Variants in CNIH3 observed in about 807,000 individuals in gnomAD.
The protein encoded by CNIH3 is protein cornichon homolog 3.
In CNIH3, 14 loss-of-function variants were observed where a neutral mutation model predicts 24.1. That is an observed-to-expected ratio of 0.58 (90% CI 0.38 to 0.91). The LOEUF (loss-of-function observed/expected upper bound fraction) is 0.91. CNIH3 is among the 40% of genes least tolerant of loss of function. CNIH3 has a pLI of 0.00. For synonymous variants in CNIH3, 68 were observed against 73.8 expected (o/e 0.92, Z 0.40); for missense variants, 178 against 196.8 (o/e 0.90, Z 0.57).
intron 1 of CNIH3, among the ~76,000 whole-genome samples, chr1:224,660,647 C>T (rs748477899): frequency 1.4e-4 from 21 of 152,104 alleles, no homozygotes; most frequent in Admixed American, 3.3e-4. Context: ...TTGTCAAGAC[C>T]TACCAAATTG....
chr1:224,680,200 T>C (rs1275354572), intron 1 of CNIH3, among the ~76,000 whole-genome samples: 1 of 152,254 alleles, frequency 6.6e-6, no homozygotes, highest in Non-Finnish European at 1.5e-5. Context: ...CTATTATTTA[T>C]TCCTTCTGTA....
upstream of CNIH3, among the ~76,000 whole-genome samples, chr1:224,512,414 A>T (rs892349458): frequency 1.3e-5 from 2 of 152,156 alleles, no homozygotes; most frequent in Non-Finnish European, 2.9e-5. Flanking sequence ...CAGGTGTTTG[A>T]GGTTACAGTG....
At chr1:224,515,724 A>G (rs1678353449), upstream of CNIH3, 1 of 152,198 alleles carries the variant, frequency 6.6e-6, no homozygotes, top group African/African-American at 2.4e-5. Context: ...CCACTTACCC[A>G]GGCTTGTCTA....
In CNIH3 at chr1:224,684,787, T is replaced by A; in HGVS notation, c.151-9T>A. ...TCCCCTCTCATTTCTTTCTTGTGCA[T>A]CCTGATAGAGGGAACGGTTGAGGAA... On this transcript the variant is annotated splice_polypyrimidine_tract_variant and intron_variant, in intron 2 of 5. Transcript: ENST00000272133. The surrounding 1 kb of genome is among the most constrained non-coding windows in gnomAD (Gnocchi z 4.2). 6.2e-7 allele frequency: 1 copy of A among 1,613,702 alleles called. No individual in the cohort carries two copies. The highest frequency in any genetic ancestry group is 8.5e-7 in the Non-Finnish European group (1 of 1,179,606).
downstream of CNIH3, among the ~76,000 whole-genome samples, chr1:224,589,290 G>T (rs375096145): frequency 5.3e-5 from 8 of 152,234 alleles, no homozygotes; most frequent in African/African-American, 1.4e-4. Flanking sequence ...TCCTCACTGT[G>T]ACTATGAGGC....
intron 3 of CNIH3, among the ~76,000 whole-genome samples, chr1:224,725,512 G>C (rs956486483): frequency 3.3e-5 from 5 of 152,130 alleles, no homozygotes; most frequent in African/African-American, 1.2e-4. Context: ...AGTCGACAGG[G>C]GCATTCAGAG....
At chr1:224,666,290 A>C (rs907433845) in intron 1 of CNIH3, among the ~76,000 whole-genome samples, 3 of 152,144 alleles carry the variant, frequency 2.0e-5, no homozygotes, top group Non-Finnish European at 4.4e-5. Flanking sequence ...TGGGCTGTGA[A>C]ATAATCCATC....
At position 224,616,920 on chromosome 1, in the gene CNIH3, GGTTCCCTC is replaced by G. The variant is rs1683028124; in HGVS notation, c.-254_-247del. On this transcript the variant is annotated 5_prime_UTR_variant, in exon 1 of 6. An upstream open reading frame in the 5' UTR gains an earlier in-frame stop. Transcript: ENST00000272133. ...TTGGTTTCTTCTTCGATTTGCGGAC[GGTTCCCTC>G]CAGCGACTCTCGACACACGTTTTCC... The G allele has an allele frequency of 9.9e-6, 13 of 1,316,246 alleles. No homozygotes were observed. The highest frequency in any genetic ancestry group is 1.3e-5 in the Non-Finnish European group (13 of 1,036,710). 81.5% of individuals were successfully genotyped at this position (1,316,246 alleles called of 1,614,324 possible). A position where few individuals can be genotyped will look rare whatever the true frequency, so the allele number is the denominator to read the frequency against.
At chr1:224,647,959 C>T (rs544562939) in intron 1 of CNIH3, among the ~76,000 whole-genome samples, 7 of 152,252 alleles carry the variant, frequency 4.6e-5, no homozygotes, top group South Asian at 2.1e-4. Context: ...GTTACGGGAA[C>T]GGGCAGGAAT....
intron 5 of CNIH3, among the ~76,000 whole-genome samples, chr1:224,585,768 A>G (rs748870622): frequency 1.3e-5 from 2 of 152,070 alleles, no homozygotes; most frequent in Non-Finnish European, 2.9e-5. Context: ...TACAAACCTA[A>G]ATGAGCCACC....
At chr1:224,491,262 C>T (rs1420855624) in intron 1 of CNIH3, among the ~76,000 whole-genome samples, 2 of 152,156 alleles carry the variant, frequency 1.3e-5, no homozygotes, top group Non-Finnish European at 2.9e-5. Context: ...TAGTCATTTT[C>T]CTAACTTGCT....
chr1:224,714,870 C>T (rs1004019920), intron 3 of CNIH3, among the ~76,000 whole-genome samples: 1 of 152,328 alleles, frequency 6.6e-6, no homozygotes, highest in East Asian at 1.9e-4. Context: ...TTGCATTCCA[C>T]AACTTTGCCT....
chr1:224,456,798 C>T (rs765178614), intron 1 of CNIH3, among the ~76,000 whole-genome samples: 1 of 152,238 alleles, frequency 6.6e-6, no homozygotes, highest in African/African-American at 2.4e-5. Flanking sequence ...GTGCCATTCT[C>T]GTGCCCTCCT....
intron 1 of CNIH3, among the ~76,000 whole-genome samples, chr1:224,483,730 G>T (rs1490330185): frequency 2.0e-5 from 3 of 152,052 alleles, no homozygotes; most frequent in Non-Finnish European, 2.9e-5. Flanking sequence ...GCTTTTTTGT[G>T]TAAATAGTTG....
rs559718326 is a variant in CNIH3 at position 224,703,424 on chromosome 1, T to G, written c.198+18581T>G. On this transcript the variant is annotated intron_variant, in intron 3 of 5. Transcript: ENST00000272133. The surrounding 1 kb of genome is among the most constrained non-coding windows in gnomAD (Gnocchi z 4.2). ...TGCCCAGAATTCATCCCAAACCAAT[T>G]AAGTCATAATCTCTGGGGTGAGACT... 4.2e-4 allele frequency among the ~76,000 whole-genome samples: 64 copies of G among 152,224 alleles called. No homozygotes were observed. The highest frequency in any genetic ancestry group is 1.5e-5 in the Non-Finnish European group (1 of 67,996).
At position 224,710,426 on chromosome 1, in the gene CNIH3, C is replaced by G. The variant is rs544704359; in HGVS notation, c.199-20036C>G. ...CTTCGTTCAAGTCCTTAGGCCTCCT[C>G]CTCCATTCACCCTTCACATTGTTGG... On this transcript the variant is annotated intron_variant, in intron 3 of 5. Coordinates refer to ENST00000272133, the MANE Select transcript of CNIH3 (RefSeq NM_152495.2). Among the ~76,000 whole-genome samples the G allele has an allele frequency of 2.6e-5, 4 of 152,338 alleles. No homozygotes were observed. In the South Asian group the frequency reaches 6.2e-4, roughly 24 times the overall value.
intron 4 of CNIH3, among the ~76,000 whole-genome samples, chr1:224,733,894 C>T (rs1432794117): frequency 2.6e-5 from 4 of 152,214 alleles, no homozygotes; most frequent in Admixed American, 2.0e-4. Flanking sequence ...CCAAGCCTGA[C>T]GGCTCCCCTC....
Position 224,479,249 on chromosome 1 carries a change from G to T in CNIH3, n.204-36492G>T, listed in dbSNP as rs573401257. On this transcript the variant is annotated intron_variant and non_coding_transcript_variant, in intron 1 of 5. Coordinates refer to the CNIH3 transcript ENST00000471578. ...GCTCACTGCAACCTCTGCCTCCCAGGTTAAAGTGATTCTCCTGCCTCAGCC... is the reference window on the plus strand; with the variant it reads ...GCTCACTGCAACCTCTGCCTCCCAGTTTAAAGTGATTCTCCTGCCTCAGCC... Among the ~76,000 whole-genome samples, 28 of 144,562 alleles carry T rather than the reference G, an allele frequency of 1.9e-4. No homozygotes were observed. The South Asian group carries it at 5.5e-3, about 28-fold the overall frequency. The allele number at this position is 144,562 out of a possible 152,430, so 94.8% of individuals were successfully genotyped here. A position where few individuals can be genotyped will look rare whatever the true frequency, so the allele number is the denominator to read the frequency against.
intron 4 of CNIH3, chr1:224,574,915 T>C: frequency 1.0e-6 from 1 of 1,001,946 alleles, no homozygotes; most frequent in East Asian, 2.4e-5. Flanking sequence ...GCTATTGGCA[T>C]CTCCAACTTC....
Sources: gnomAD v4.1 joint callset for allele counts (sites outside exome capture counted in the v4.1 genomes callset) on GRCh38, gnomAD v4.1.1 for gene constraint, Gnocchi (gnomAD v3.1) non-coding constraint, MANE v1.5 for transcripts, NCBI Gene and HGNC (gene_info 2026-07-23, HGNC 2026-07-21) for gene names.